UBASH3B: variants seen among roughly 807,000 people sequenced by gnomAD.
UBASH3B encodes ubiquitin associated and SH3 domain containing B.
A neutral mutation model predicts 83.4 loss-of-function variants in UBASH3B; 37 were observed. The ratio of observed to expected loss-of-function variants is 0.44; its 90% CI spans 0.34 to 0.58. The LOEUF (loss-of-function observed/expected upper bound fraction) is 0.58. Among genes scored for constraint, UBASH3B ranks in the 20% least tolerant of loss-of-function variants. The probability of loss-of-function intolerance (pLI) is 0.01; values close to 1 mark genes in which losing one functional copy is unlikely to be tolerated. For synonymous variants in UBASH3B, 304 were observed against 318.3 expected (o/e 0.96, Z 0.48); for missense variants, 657 against 827.2 (o/e 0.79, Z 2.52).
Position 122,759,408 on chromosome 11 carries a change from G to T in UBASH3B, c.162-16811G>T, listed in dbSNP as rs1214343920. ...TTTTTCCACTGACCCGGGTGGTGGT[G>T]TGATGGTTTGGGGATGATTCAAGTG... On this transcript the variant is annotated intron_variant, in intron 1 of 13. Coordinates refer to ENST00000284273, the MANE Select transcript of UBASH3B (RefSeq NM_032873.5). This position sits in a 1 kb window ranked among gnomAD's most constrained non-coding sequence, Gnocchi z 4.1. Among the ~76,000 whole-genome samples the T allele has an allele frequency of 2.0e-5, 3 of 152,182 alleles. No individual in the cohort carries two copies. The highest frequency in any genetic ancestry group is 7.2e-5 in the African/African-American group (3 of 41,436).
Position 122,689,034 on chromosome 11 carries a change from A to C in UBASH3B, c.161+32824A>C, listed in dbSNP as rs10750220. ...AGGCTGGTCTCGAACTCCTGACCTC[A>C]AGTGATCCACTTGCCTCGCCCTCTC... is the stretch of plus-strand genomic sequence containing the variant. On this transcript the variant is annotated intron_variant, in intron 1 of 13. Coordinates refer to ENST00000284273, the MANE Select transcript of UBASH3B (RefSeq NM_032873.5). 2.0e-5 allele frequency among the ~76,000 whole-genome samples: 3 copies of C among 148,934 alleles called. No individual in the cohort carries two copies. The South Asian group carries it at 6.4e-4, about 32-fold the overall frequency.
chr11:122,797,702 A>G (rs1370546236), intron 9 of UBASH3B, among the ~76,000 whole-genome samples: 1 of 152,232 alleles, frequency 6.6e-6, no homozygotes. Flanking sequence ...TTATGGGAAC[A>G]CAAAAAGACA....
At chr11:122,711,038 T>C (rs1442485345) in intron 1 of UBASH3B, among the ~76,000 whole-genome samples, 1 of 152,206 alleles carries the variant, frequency 6.6e-6, no homozygotes, top group Non-Finnish European at 1.5e-5. Flanking sequence ...GGTTAGGAAG[T>C]GTGGGAGCCC....
chr11:122,794,858 A>T, intron 7 of UBASH3B, 24 bp downstream of exon 7: 2 of 1,612,406 alleles, frequency 1.2e-6, no homozygotes, highest in Non-Finnish European at 1.7e-6. Context: ...CTAGGGTCAC[A>T]CCCCCAACTC....
intron 1 of UBASH3B, chr11:122,774,341 C>G (rs57353103): frequency 0.39 from 383,266 of 975,558 alleles, 78,503 homozygotes; most frequent in Middle Eastern, 0.45. Flanking sequence ...GGTATCTGTG[C>G]GCAGACTTTC....
chr11:122,674,086 A>C (rs907213943), intron 1 of UBASH3B, among the ~76,000 whole-genome samples: 6 of 152,230 alleles, frequency 3.9e-5, no homozygotes, highest in Non-Finnish European at 8.8e-5. Flanking sequence ...TGGTGCTCCC[A>C]GTCTAGTAGG....
At chr11:122,725,556 G>T (rs1467916777) in intron 1 of UBASH3B, among the ~76,000 whole-genome samples, 1 of 37,958 alleles carries the variant, frequency 2.6e-5, no homozygotes, top group Admixed American at 3.3e-4. Context: ...TGTAGGTGCA[G>T]TAGCGACATT....
intron 1 of UBASH3B, among the ~76,000 whole-genome samples, chr11:122,695,057 G>A (rs1335656517): frequency 3.0e-5 from 4 of 132,628 alleles, no homozygotes; most frequent in Non-Finnish European, 4.7e-5. Context: ...TCTGCCTCCC[G>A]GGTTCAAGCG....
chr11:122,774,607 G>A (rs1002287559), intron 1 of UBASH3B, among the ~76,000 whole-genome samples: 19 of 152,176 alleles, frequency 1.2e-4, no homozygotes, highest in Non-Finnish European at 2.5e-4. Context: ...AGGAAGGAGG[G>A]GGTGAGTTTA....
chr11:122,806,624 G>C lies in UBASH3B; in HGVS notation c.1702+108G>C. 7.5e-7 allele frequency: 1 copy of C among 1,339,402 alleles called. No individual in the cohort carries two copies. Among genetic ancestry groups the C allele is most frequent in the Non-Finnish European group, 9.6e-7 (1 of 1,036,688 alleles). The allele number at this position is 1,339,402 out of a possible 1,614,324, so 83.0% of individuals were successfully genotyped here. On this transcript the variant is annotated intron_variant, in intron 12 of 13. Transcript: ENST00000284273. This position sits in a 1 kb window ranked among gnomAD's most constrained non-coding sequence, Gnocchi z 4.0. ...ACTTGCTTTGGCTAACCAAAGAAAT[G>C]TATTTCCAGATTTTCTTCCAGATAC...
chr11:122,732,990 T>A (rs773129903), intron 1 of UBASH3B, among the ~76,000 whole-genome samples: 1 of 152,164 alleles, frequency 6.6e-6, no homozygotes, highest in Non-Finnish European at 1.5e-5. Flanking sequence ...TATACCTACA[T>A]AATATCAAGC....
chr11:122,725,342 A>AAAAAAAATG (rs71281633), intron 1 of UBASH3B, among the ~76,000 whole-genome samples: 2 of 130,822 alleles, frequency 1.5e-5, no homozygotes, highest in African/African-American at 5.4e-5. Flanking sequence ...AAAAAAAAAA[A>AAAAAAAATG]AAGAAAAGAA....
intron 1 of UBASH3B, among the ~76,000 whole-genome samples, chr11:122,663,070 G>A (rs1229528556): frequency 6.9e-6 from 1 of 144,052 alleles, no homozygotes; most frequent in Non-Finnish European, 1.5e-5. Flanking sequence ...TCCGCCTCCC[G>A]TGTTCAAGCA....
chr11:122,662,837 G>A (rs546569391), intron 1 of UBASH3B, among the ~76,000 whole-genome samples: 11 of 152,084 alleles, frequency 7.2e-5, no homozygotes, highest in Non-Finnish European at 1.5e-4. Flanking sequence ...ATATTTTTTA[G>A]ACTCATCCTG....
chr11:122,754,647 C>T (rs1861254520), intron 1 of UBASH3B, among the ~76,000 whole-genome samples: 1 of 152,168 alleles, frequency 6.6e-6, no homozygotes, highest in South Asian at 2.1e-4. Flanking sequence ...ACCCCTTACT[C>T]CCTGAAGGCT....
At chr11:122,691,832 G>T (rs1408380430) in intron 1 of UBASH3B, among the ~76,000 whole-genome samples, 3 of 152,062 alleles carry the variant, frequency 2.0e-5, no homozygotes, top group African/African-American at 7.3e-5. Flanking sequence ...TTTGTGACGG[G>T]GTTCTGTGTT....
At chr11:122,757,468 A>G (rs1031433404) in intron 1 of UBASH3B, among the ~76,000 whole-genome samples, 2 of 152,176 alleles carry the variant, frequency 1.3e-5, no homozygotes, top group African/African-American at 2.4e-5. Context: ...ACCCCAGTCT[A>G]TGGCACTTTG....
chr11:122,790,341 C>G (rs373611502), intron 6 of UBASH3B, among the ~76,000 whole-genome samples: 82 of 152,232 alleles, frequency 5.4e-4, no homozygotes, highest in African/African-American at 1.9e-3. Context: ...AATCCCTCCC[C>G]CTCTCCCTCA....
At chr11:122,712,034 ATT>A (rs9326263) in intron 1 of UBASH3B, among the ~76,000 whole-genome samples, 68,026 of 145,474 alleles carry the variant, frequency 0.47, 15,692 homozygotes, top group Middle Eastern at 0.52. Flanking sequence ...TGCCAGCTGC[ATT>A]TTTTTTTTTT....
Sources: allele counts gnomAD v4.1 joint callset (sites outside exome capture counted in the v4.1 genomes callset), GRCh38; gene constraint gnomAD v4.1.1; non-coding constraint Gnocchi (gnomAD v3.1); transcripts MANE v1.5; gene names NCBI Gene and HGNC (gene_info 2026-07-23, HGNC 2026-07-21).